ITFG1: variants seen among roughly 807,000 people sequenced by gnomAD.
The protein encoded by ITFG1 is T-cell immunomodulatory protein.
In ITFG1, 34 loss-of-function variants were observed where a neutral mutation model predicts 81.8. The observed-to-expected ratio is 0.42, with a 90% CI of 0.32 to 0.55. ITFG1 has a LOEUF of 0.55. Ranked by LOEUF, ITFG1 falls within the 20% of genes least tolerant of loss-of-function variation. The pLI is 0.17. For missense variants in ITFG1, 672 were observed against 755.4 expected, an observed-to-expected ratio of 0.89 and a Z score of 1.29; for synonymous variants, 285 against 270.6, an observed-to-expected ratio of 1.05 and a Z score of -0.52.
intron 5 of ITFG1, among the ~76,000 whole-genome samples, chr16:47,441,893 C>G (rs1482068635): frequency 6.6e-6 from 1 of 152,110 alleles, no homozygotes; most frequent in Non-Finnish European, 1.5e-5. Flanking sequence ...TCAAATTGTC[C>G]CTGTTTGCAG....
chr16:47,309,414 T>G (rs1967222703), intron 10 of ITFG1, among the ~76,000 whole-genome samples: 1 of 152,176 alleles, frequency 6.6e-6, no homozygotes, highest in African/African-American at 2.4e-5. Flanking sequence ...AAACATTTAC[T>G]TATTACTAGG....
chr16:47,174,673 A>G (rs1965002203), intron 14 of ITFG1, among the ~76,000 whole-genome samples: 1 of 152,102 alleles, frequency 6.6e-6, no homozygotes. Flanking sequence ...GGCGTACACC[A>G]CCATGTCCGG....
At chr16:47,453,964 T>C (rs759878780) in intron 3 of ITFG1, 49 bp downstream of exon 3, 2 of 1,169,846 alleles carry the variant, frequency 1.7e-6, no homozygotes, top group Non-Finnish European at 2.5e-6. Flanking sequence ...TTGTTACATT[T>C]ACCTTCATAT....
intron 14 of ITFG1, chr16:47,196,653 T>C (rs1965362063): frequency 1.3e-5 from 2 of 152,084 alleles, no homozygotes; most frequent in African/African-American, 4.8e-5. Context: ...CTGATCAGCA[T>C]TAACATTAAA....
intron 14 of ITFG1, among the ~76,000 whole-genome samples, chr16:47,194,286 G>T (rs1965329307): frequency 6.6e-6 from 1 of 151,968 alleles, no homozygotes; most frequent in East Asian, 1.9e-4. Flanking sequence ...TATTTATGAG[G>T]GTATTTTCAA....
Position 47,161,354 on chromosome 16 carries a change from T to C in ITFG1, c.1661+396A>G, listed in dbSNP as rs1964802544. 2.6e-5 allele frequency among the ~76,000 whole-genome samples: 4 copies of C among 152,212 alleles called. No homozygotes were observed. The South Asian group carries it at 8.3e-4, about 31-fold the overall frequency. ...GCTGAATCATTTTAGCCTACATCTA[T>C]TTAACTCCAAAATTTGTGCCCAACC... On this transcript the variant is annotated intron_variant, in intron 16 of 17. Transcript: ENST00000320640.
intron 10 of ITFG1, among the ~76,000 whole-genome samples, chr16:47,281,072 G>T (rs932366392): frequency 1.3e-5 from 2 of 152,130 alleles, no homozygotes; most frequent in Non-Finnish European, 2.9e-5. Flanking sequence ...ACATGGGGAG[G>T]AATGAGGACT....
chr16:47,284,372 T>C (rs943274066), intron 10 of ITFG1, among the ~76,000 whole-genome samples: 6 of 152,150 alleles, frequency 3.9e-5, no homozygotes, highest in African/African-American at 1.4e-4. Flanking sequence ...CAAGAATATA[T>C]GCAACTTATT....
intron 8 of ITFG1, among the ~76,000 whole-genome samples, chr16:47,348,994 A>C (rs1022883950): frequency 7.2e-5 from 11 of 152,186 alleles, no homozygotes; most frequent in Non-Finnish European, 1.2e-4. Context: ...AAAATACTTT[A>C]CAGACAAGCA....
At chr16:47,268,456 C>T (rs774564943) in intron 10 of ITFG1, among the ~76,000 whole-genome samples, 1 of 152,300 alleles carries the variant, frequency 6.6e-6, no homozygotes, top group Admixed American at 6.5e-5. Flanking sequence ...ACACGTACTA[C>T]ACAAACTCTT....
At chr16:47,454,591 A>T (rs1346220118) in intron 2 of ITFG1, among the ~76,000 whole-genome samples, 2 of 152,224 alleles carry the variant, frequency 1.3e-5, no homozygotes, top group Non-Finnish European at 2.9e-5. Context: ...GGATTTTAAC[A>T]TAAATTCAAA....
At chr16:47,306,972 T>C (rs1226036464) in intron 10 of ITFG1, among the ~76,000 whole-genome samples, 4 of 151,474 alleles carry the variant, frequency 2.6e-5, no homozygotes, top group Non-Finnish European at 5.9e-5. Context: ...CGGGCGCCTC[T>C]AGTCCCAGCT....
chr16:47,458,452 A>G (rs1285791150), intron 2 of ITFG1, among the ~76,000 whole-genome samples: 2 of 152,152 alleles, frequency 1.3e-5, no homozygotes, highest in Non-Finnish European at 2.9e-5. Context: ...TTTGGCCTGC[A>G]CTGACCCATC....
chr16:47,278,563 C>T (rs1250696462), intron 10 of ITFG1, among the ~76,000 whole-genome samples: 5 of 152,136 alleles, frequency 3.3e-5, no homozygotes, highest in Admixed American at 3.3e-4. Flanking sequence ...TGTTTCTGCT[C>T]TTTCTATTCC....
chr16:47,260,548 T>C lies in ITFG1; in HGVS notation c.1218A>G (p.Glu406=), dbSNP rs142829818. The part of the protein sequence containing the change: ...AMVATFFDIY[E]DGILDIVVLS... The stretch of plus-strand genomic sequence containing the variant: ...CACAGCCCAGCTCTGAACTCACATC[T>C]TCGTAAATGTCAAAGAAGGTGGCAA... The change falls in exon 11 of 18, where the codon GAA becomes GAG. Residue 406 remains glutamate, a synonymous_variant. Transcript: ENST00000320640. The C allele has an allele frequency of 9.4e-5, 152 of 1,614,146 alleles. No individual in the cohort carries two copies. The African/African-American group carries it at 1.9e-3, about 20-fold the overall frequency.
At chr16:47,441,585 G>A (rs1255079448) in intron 5 of ITFG1, among the ~76,000 whole-genome samples, 2 of 152,056 alleles carry the variant, frequency 1.3e-5, no homozygotes, top group East Asian at 1.9e-4. Flanking sequence ...AAACCACATG[G>A]TTATCTCAAT....
chr16:47,295,018 A>G (rs957161376), intron 10 of ITFG1, among the ~76,000 whole-genome samples: 1 of 152,038 alleles, frequency 6.6e-6, no homozygotes, highest in Admixed American at 6.6e-5. Context: ...GGATTTTATT[A>G]TTTTGTGGCA....
At chr16:47,356,367 A>C (rs924998554) in intron 8 of ITFG1, among the ~76,000 whole-genome samples, 1 of 152,234 alleles carries the variant, frequency 6.6e-6, no homozygotes, top group African/African-American at 2.4e-5. Flanking sequence ...TGATTAACAA[A>C]AATTTGAAAG....
intron 14 of ITFG1, among the ~76,000 whole-genome samples, chr16:47,167,860 A>C (rs975411135): frequency 6.6e-6 from 1 of 152,216 alleles, no homozygotes; most frequent in Non-Finnish European, 1.5e-5. Context: ...CCTTTTGGCT[A>C]TTATGAACTA....
Sources: gnomAD v4.1 joint callset for allele counts (sites outside exome capture counted in the v4.1 genomes callset) on GRCh38, gnomAD v4.1.1 for gene constraint, MANE v1.5 for transcripts, NCBI Gene and HGNC (gene_info 2026-07-23, HGNC 2026-07-21) for gene names.